PTPRN2: variants seen among roughly 807,000 people sequenced by gnomAD.
The protein encoded by PTPRN2 is receptor-type tyrosine-protein phosphatase N2.
PTPRN2 carries 74 observed loss-of-function variants against 118.8 expected under a neutral mutation model. The ratio of observed to expected loss-of-function variants is 0.62; its 90% confidence interval spans 0.52 to 0.76. PTPRN2 has a LOEUF of 0.76. PTPRN2 is among the 30% of genes least tolerant of loss of function. PTPRN2 has a pLI of 0.00. For synonymous variants in PTPRN2, 641 were observed against 608.0 expected (o/e 1.05, Z -0.80); for missense variants, 1,481 against 1,394.4 (o/e 1.06, Z -0.99).
In PTPRN2 at chr7:158,086,024, G is replaced by A. The variant is rs777912492; in HGVS notation, c.1644-4647C>T. 9.9e-5 allele frequency among the ~76,000 whole-genome samples: 15 copies of A among 152,130 alleles called. 1 individual carries two copies. The highest frequency in any genetic ancestry group is 4.6e-4 in the Admixed American group (7 of 15,274). The stretch of plus-strand genomic sequence containing the variant: ...CAGGCACATTGTAACCACGTGTCCC[G>A]GCCTCACACACAGAGCACTTCCTTC... On this transcript the variant is annotated intron_variant, in intron 10 of 22. Transcript: ENST00000389418.
chr7:158,325,360 T>C (rs1157138196), intron 2 of PTPRN2, among the ~76,000 whole-genome samples: 1 of 36,494 alleles, frequency 2.7e-5, no homozygotes, highest in Non-Finnish European at 5.3e-5. Flanking sequence ...CTTTTACTTA[T>C]ATGTCTTTTT....
chr7:157,721,319 G>C (rs148076485), intron 12 of PTPRN2, among the ~76,000 whole-genome samples: 3 of 152,164 alleles, frequency 2.0e-5, no homozygotes, highest in Non-Finnish European at 4.4e-5. Flanking sequence ...TTCCCTCGTC[G>C]GAAAGTCTCC....
chr7:157,687,705 T>C (rs537375300), intron 12 of PTPRN2, among the ~76,000 whole-genome samples: 90 of 152,358 alleles, frequency 5.9e-4, no homozygotes, highest in Non-Finnish European at 1.1e-3. Flanking sequence ...TTAGGAAATT[T>C]CATTCTAAAT....
intron 11 of PTPRN2, among the ~76,000 whole-genome samples, chr7:157,899,448 G>A (rs533862918): frequency 1.8e-4 from 28 of 152,316 alleles, no homozygotes; most frequent in Non-Finnish European, 4.0e-4. Flanking sequence ...GTGTCACAAG[G>A]CAATTGACCT....
chr7:157,750,118 T>C (rs913047123), intron 12 of PTPRN2, among the ~76,000 whole-genome samples: 1 of 152,090 alleles, frequency 6.6e-6, no homozygotes, highest in Non-Finnish European at 1.5e-5. Flanking sequence ...TACTCAGGCC[T>C]GCAACATAGC....
intron 2 of PTPRN2, among the ~76,000 whole-genome samples, chr7:158,481,308 A>T (rs1241933765): frequency 6.6e-6 from 1 of 152,244 alleles, no homozygotes; most frequent in Admixed American, 6.5e-5. Flanking sequence ...TACTGCTCAA[A>T]AAAGATTCCT....
chr7:157,701,367 G>C (rs1798058734), intron 12 of PTPRN2, among the ~76,000 whole-genome samples: 1 of 152,138 alleles, frequency 6.6e-6, no homozygotes, highest in South Asian at 2.1e-4. Context: ...CCTCCCCCCA[G>C]TAATAATATT....
chr7:158,458,391 G>A (rs1818692632), intron 2 of PTPRN2, among the ~76,000 whole-genome samples: 1 of 152,182 alleles, frequency 6.6e-6, no homozygotes, highest in Non-Finnish European at 1.5e-5. Context: ...TGGGGGAAAA[G>A]CTGCCATGTC....
In PTPRN2 at chr7:158,338,277, G is replaced by A. The variant is rs528534794; in HGVS notation, c.164-21345C>T. ...TCACACCCACACTCTCACCATAAGC[G>A]CTGACACCTGCTGACGTCACTCACA... On this transcript the variant is annotated intron_variant, in intron 2 of 22. Transcript: ENST00000389418. Among the ~76,000 whole-genome samples, 29 of 72,378 alleles carry A rather than the reference G, an allele frequency of 4.0e-4. 2 individuals are homozygous for A. The highest frequency in any genetic ancestry group is 1.6e-3 in the African/African-American group (25 of 15,294). The allele number at this position is 72,378 out of a possible 152,430, so 47.5% of individuals were successfully genotyped here. A position where few individuals can be genotyped will look rare whatever the true frequency, so the allele number is the denominator to read the frequency against.
intron 12 of PTPRN2, among the ~76,000 whole-genome samples, chr7:157,769,159 G>C (rs745770770): frequency 6.6e-6 from 1 of 152,268 alleles, no homozygotes; most frequent in East Asian, 1.9e-4. Flanking sequence ...TGTCCACCGA[G>C]GGCAGCGGTT....
chr7:157,568,512 C>T (rs997823396), intron 21 of PTPRN2, among the ~76,000 whole-genome samples: 17 of 152,202 alleles, frequency 1.1e-4, no homozygotes, highest in African/African-American at 4.1e-4. Flanking sequence ...AATACTGGAG[C>T]GGCATTCTGC....
intron 1 of PTPRN2, among the ~76,000 whole-genome samples, chr7:158,497,230 C>G (rs1458823458): frequency 1.5e-5 from 2 of 129,890 alleles, no homozygotes; most frequent in African/African-American, 3.0e-5. Flanking sequence ...CTGCGCCCCT[C>G]CCCCTTCCCT....
At chr7:158,393,003 G>C (rs1009676358) in intron 2 of PTPRN2, among the ~76,000 whole-genome samples, 1 of 152,208 alleles carries the variant, frequency 6.6e-6, no homozygotes, top group Admixed American at 6.5e-5. Context: ...CAAGTCCACA[G>C]AGAGAAAGGG....
At chr7:158,070,045 C>A (rs1811083970) in intron 11 of PTPRN2, among the ~76,000 whole-genome samples, 1 of 152,216 alleles carries the variant, frequency 6.6e-6, no homozygotes, top group South Asian at 2.1e-4. Context: ...TTTCCTTCTT[C>A]CATTTTGCCA....
At chr7:158,084,659 C>T (rs966797772) in intron 10 of PTPRN2, among the ~76,000 whole-genome samples, 20 of 148,982 alleles carry the variant, frequency 1.3e-4, no homozygotes, top group East Asian at 2.0e-4. Context: ...TCCACATCCT[C>T]GACGCCCATC....
intron 14 of PTPRN2, among the ~76,000 whole-genome samples, chr7:157,634,398 G>A (rs150261068): frequency 1.4e-4 from 22 of 152,240 alleles, no homozygotes; most frequent in African/African-American, 4.1e-4. Context: ...TTCAGCTTTC[G>A]TCAAAGTAAG....
At chr7:158,016,702 A>G (rs1806483216) in intron 11 of PTPRN2, among the ~76,000 whole-genome samples, 1 of 152,262 alleles carries the variant, frequency 6.6e-6, no homozygotes, top group South Asian at 2.1e-4. Flanking sequence ...GCGTGTGCTG[A>G]AGCTGAGCCA....
chr7:157,605,881 G>GGACTTGCA (rs1801973979), intron 15 of PTPRN2, among the ~76,000 whole-genome samples: 1 of 152,254 alleles, frequency 6.6e-6, no homozygotes, highest in Non-Finnish European at 1.5e-5. Flanking sequence ...CTGATCCACA[G>GGACTTGCA]GACTTGCAGC....
intron 17 of PTPRN2, among the ~76,000 whole-genome samples, chr7:157,586,315 C>G (rs1408524218): frequency 6.6e-6 from 1 of 152,182 alleles, no homozygotes; most frequent in Admixed American, 6.5e-5. Context: ...CCCCGCTAAC[C>G]TCCTGACTCT....
Sources: gnomAD v4.1 joint callset for allele counts (sites outside exome capture counted in the v4.1 genomes callset) on GRCh38, gnomAD v4.1.1 for gene constraint, MANE v1.5 for transcripts, NCBI Gene and HGNC (gene_info 2026-07-23, HGNC 2026-07-21) for gene names.